The following GALNT13 variants were observed in gnomAD, a reference collection of about 807,000 sequenced individuals.
GALNT13 encodes polypeptide N-acetylgalactosaminyltransferase 13, also known as UDP-GalNAc:polypeptide N-acetylgalactosaminyltransferase 13.
Under a neutral mutation model 64.2 loss-of-function variants are expected in GALNT13, and 28 were observed. The observed-to-expected ratio is 0.44, with a 90% confidence interval of 0.32 to 0.60. The LOEUF (loss-of-function observed/expected upper bound fraction) is 0.60, where lower values mean the gene tolerates loss of function less well. GALNT13 is among the 20% of genes least tolerant of loss of function. GALNT13 has a pLI of 0.05. For synonymous variants in GALNT13, 214 were observed against 224.6 expected, an observed-to-expected ratio of 0.95 and a Z score of 0.42; for missense variants, 577 against 669.8, an observed-to-expected ratio of 0.86 and a Z score of 1.53.
chr2:153,842,723 A>AAC, the GALNT13 span, among the ~76,000 whole-genome samples: 87,737 of 150,208 alleles, frequency 0.58, 26,051 homozygotes, highest in Non-Finnish European at 0.65. Context: ...ACAAAAGGAT[A>AAC]ACACACACAC....
chr2:153,781,660 A>G, the GALNT13 span, among the ~76,000 whole-genome samples: 3 of 152,244 alleles, frequency 2.0e-5, no homozygotes, highest in East Asian at 3.9e-4. Context: ...AGTACTAAAG[A>G]TGAGGCACTT....
chr2:154,397,520 G>C, intron 10 of GALNT13, among the ~76,000 whole-genome samples: 1 of 152,190 alleles, frequency 6.6e-6, no homozygotes, highest in East Asian at 1.9e-4. Context: ...TGCCATTGTT[G>C]TAGACCATAA....
At chr2:154,114,477 G>A (rs574743888) in intron 3 of GALNT13, among the ~76,000 whole-genome samples, 1 of 152,192 alleles carries the variant, frequency 6.6e-6, no homozygotes, top group Non-Finnish European at 1.5e-5. Flanking sequence ...CTCAGAGCCA[G>A]TGTCCAGTAG....
At chr2:153,259,275 AT>A in the GALNT13 span, among the ~76,000 whole-genome samples, 1 of 149,230 alleles carries the variant, frequency 6.7e-6, no homozygotes, top group Non-Finnish European at 1.5e-5. Context: ...TTGTCATAAA[AT>A]ATCTCTTTCC....
At chr2:154,308,051 T>G (rs1693836965) in intron 9 of GALNT13, among the ~76,000 whole-genome samples, 1 of 152,136 alleles carries the variant, frequency 6.6e-6, no homozygotes, top group Non-Finnish European at 1.5e-5. Context: ...AACACCCAGG[T>G]TCTTCTTCCT....
intron 4 of GALNT13, among the ~76,000 whole-genome samples, chr2:154,151,381 C>T (rs1329427991): frequency 1.3e-5 from 2 of 151,966 alleles, no homozygotes; most frequent in Non-Finnish European, 2.9e-5. Flanking sequence ...AGGTGTGGTG[C>T]AGTGCTGAAA....
intron 8 of GALNT13, among the ~76,000 whole-genome samples, chr2:154,272,800 A>G (rs1465895177): frequency 6.6e-6 from 1 of 152,182 alleles, no homozygotes; most frequent in Non-Finnish European, 1.5e-5. Flanking sequence ...ATCTAAATAT[A>G]TGCTGCCGTG....
the GALNT13 span, among the ~76,000 whole-genome samples, chr2:153,521,382 G>T: frequency 1.2e-4 from 18 of 151,920 alleles, no homozygotes; most frequent in Non-Finnish European, 2.5e-4. Context: ...ATTTTTAAAA[G>T]ACTATTTTTG....
the GALNT13 span, among the ~76,000 whole-genome samples, chr2:153,651,149 G>T: frequency 6.6e-6 from 1 of 152,106 alleles, no homozygotes; most frequent in Non-Finnish European, 1.5e-5. Context: ...CTCATTTTAA[G>T]TATTCGTACC....
the GALNT13 span, among the ~76,000 whole-genome samples, chr2:153,489,330 T>C: frequency 9.7e-4 from 147 of 152,268 alleles, 2 homozygotes; most frequent in East Asian, 0.012. Context: ...TTTTAAAAAA[T>C]AAATTTTTGT....
At chr2:153,093,370 C>G in the GALNT13 span, among the ~76,000 whole-genome samples, 1 of 151,702 alleles carries the variant, frequency 6.6e-6, no homozygotes, top group Non-Finnish European at 1.5e-5. Context: ...TCTCGAGTAG[C>G]TGGGACTACA....
chr2:153,780,501 T>A, the GALNT13 span, among the ~76,000 whole-genome samples: 4 of 151,958 alleles, frequency 2.6e-5, no homozygotes, highest in Admixed American at 2.6e-4. Flanking sequence ...TTAATCATAT[T>A]TCTGGTTCTA....
the GALNT13 span, among the ~76,000 whole-genome samples, chr2:153,712,843 A>C: frequency 6.6e-6 from 1 of 152,326 alleles, no homozygotes; most frequent in South Asian, 2.1e-4. Context: ...GAGTCAGCCC[A>C]GGCAAAGCTA....
the GALNT13 span, among the ~76,000 whole-genome samples, chr2:153,281,391 A>T: frequency 2.0e-5 from 3 of 151,462 alleles, no homozygotes; most frequent in Non-Finnish European, 4.4e-5. Context: ...TATATTTAGT[A>T]TTGGTATGAG....
At chr2:153,496,622 A>G in the GALNT13 span, among the ~76,000 whole-genome samples, 1 of 152,192 alleles carries the variant, frequency 6.6e-6, no homozygotes, top group East Asian at 1.9e-4. Flanking sequence ...TTCATATTCC[A>G]AGTAGCCACT....
intron 3 of GALNT13, among the ~76,000 whole-genome samples, chr2:154,090,325 A>T (rs1701742951): frequency 6.6e-6 from 1 of 152,066 alleles, no homozygotes; most frequent in African/African-American, 2.4e-5. Context: ...TGTCAGCTCA[A>T]TTTCTATTTT....
chr2:154,377,356 C>G (rs368357143), intron 9 of GALNT13, among the ~76,000 whole-genome samples: 3 of 152,022 alleles, frequency 2.0e-5, no homozygotes, highest in African/African-American at 7.2e-5. Context: ...ATGTTTATTT[C>G]ATTTTTGCAA....
At chr2:153,099,775 C>T in the GALNT13 span, among the ~76,000 whole-genome samples, 2 of 152,114 alleles carry the variant, frequency 1.3e-5, no homozygotes, top group Admixed American at 1.3e-4. Flanking sequence ...ACGTGTTGTG[C>T]ATTAGGCAAT....
intron 2 of GALNT13, among the ~76,000 whole-genome samples, chr2:153,922,504 T>G (rs989150925): frequency 4.6e-5 from 7 of 152,186 alleles, no homozygotes; most frequent in Non-Finnish European, 1.0e-4. Flanking sequence ...CTGTTTCCTT[T>G]TAGAATTTTA....
Sources: gnomAD v4.1 joint callset for allele counts (sites outside exome capture counted in the v4.1 genomes callset) on GRCh38, gnomAD v4.1.1 for gene constraint, MANE v1.5 for transcripts, NCBI Gene and HGNC (gene_info 2026-07-23, HGNC 2026-07-21) for gene names.